The following DOCK3 variants were observed in gnomAD, a reference collection of about 807,000 sequenced individuals.
DOCK3 encodes the protein dedicator of cytokinesis protein 3.
DOCK3 carries 60 observed loss-of-function variants against 265.6 expected under a neutral mutation model. That is an observed-to-expected ratio of 0.23 (90% confidence interval 0.18 to 0.28). The LOEUF is 0.28. Among genes scored for constraint, DOCK3 ranks in the 10% least tolerant of loss-of-function variants. The pLI, the probability that DOCK3 is intolerant of heterozygous loss-of-function variation, is 1.00. For synonymous variants in DOCK3, 881 were observed against 938.0 expected, an observed-to-expected ratio of 0.94 and a Z score of 1.11; for missense variants, 1,981 against 2,594.3, an observed-to-expected ratio of 0.76 and a Z score of 5.14.
At chr3:50,699,135 A>G (rs988379309) in intron 1 of DOCK3, among the ~76,000 whole-genome samples, 20 of 152,052 alleles carry the variant, frequency 1.3e-4, no homozygotes, top group African/African-American at 4.6e-4. Flanking sequence ...TTGTATGTGG[A>G]TATTGTTTTT....
At chr3:51,263,185 C>G (rs532757994) in intron 23 of DOCK3, among the ~76,000 whole-genome samples, 2 of 152,224 alleles carry the variant, frequency 1.3e-5, no homozygotes, top group Non-Finnish European at 2.9e-5. Flanking sequence ...GTCAGGTTAC[C>G]CACAAAGAGA....
At chr3:51,362,841 T>C (rs922730938) in intron 49 of DOCK3, among the ~76,000 whole-genome samples, 167 bp downstream of exon 49, 1 of 152,250 alleles carries the variant, frequency 6.6e-6, no homozygotes, top group African/African-American at 2.4e-5. Context: ...TCCAGGCCTC[T>C]TCCCTGGCTG....
chr3:50,942,807 A>G (rs967417305), intron 5 of DOCK3, among the ~76,000 whole-genome samples: 3 of 152,014 alleles, frequency 2.0e-5, no homozygotes, highest in African/African-American at 4.8e-5. Flanking sequence ...TACTTTTTCA[A>G]CTACAAATTT....
intron 5 of DOCK3, among the ~76,000 whole-genome samples, chr3:51,027,715 G>A (rs1367196900): frequency 6.6e-6 from 1 of 151,780 alleles, no homozygotes; most frequent in African/African-American, 2.4e-5. Flanking sequence ...CCTTTTTATT[G>A]TCTTTGGTTT....
chr3:50,888,666 T>C (rs2048471668), intron 3 of DOCK3, among the ~76,000 whole-genome samples: 1 of 152,058 alleles, frequency 6.6e-6, no homozygotes, highest in Non-Finnish European at 1.5e-5. Flanking sequence ...AACAGAGATA[T>C]AGATCAATGG....
intron 12 of DOCK3, among the ~76,000 whole-genome samples, chr3:51,182,578 T>G (rs1292378412): frequency 6.6e-6 from 1 of 152,226 alleles, no homozygotes; most frequent in Non-Finnish European, 1.5e-5. Flanking sequence ...AAATAGGTAC[T>G]TGGAGGAAGT....
intron 5 of DOCK3, among the ~76,000 whole-genome samples, chr3:51,013,570 T>G (rs1362858614): frequency 1.3e-5 from 2 of 152,168 alleles, no homozygotes; most frequent in Non-Finnish European, 2.9e-5. Context: ...TCCGGCTGTA[T>G]GAAGTGTCAG....
intron 1 of DOCK3, among the ~76,000 whole-genome samples, chr3:50,738,455 CAG>C (rs1383705025): frequency 1.3e-5 from 2 of 152,162 alleles, no homozygotes; most frequent in Admixed American, 6.5e-5. Context: ...ACGAGGTCCT[CAG>C]GGGCTGGCAT....
chr3:51,202,940 A>G (rs1377227400), intron 12 of DOCK3, among the ~76,000 whole-genome samples: 1 of 152,218 alleles, frequency 6.6e-6, no homozygotes, highest in African/African-American at 2.4e-5. Context: ...CAATAGATGC[A>G]GAAAAGTCCT....
intron 5 of DOCK3, among the ~76,000 whole-genome samples, chr3:51,054,630 T>G (rs1460603731): frequency 6.6e-6 from 1 of 152,216 alleles, no homozygotes; most frequent in East Asian, 1.9e-4. Flanking sequence ...TGCACTAATT[T>G]TCTTACATTT....
intron 1 of DOCK3, among the ~76,000 whole-genome samples, chr3:50,731,750 G>A (rs2108127440): frequency 6.6e-6 from 1 of 152,206 alleles, no homozygotes; most frequent in African/African-American, 2.4e-5. Flanking sequence ...AGAACCCACA[G>A]CTAACATCAT....
chr3:50,883,692 T>G (rs1313116599), intron 3 of DOCK3, among the ~76,000 whole-genome samples: 2 of 152,166 alleles, frequency 1.3e-5, no homozygotes, highest in African/African-American at 4.8e-5. Flanking sequence ...ATATTTTCAT[T>G]GAAAATTATA....
intron 5 of DOCK3, among the ~76,000 whole-genome samples, chr3:51,039,076 A>G (rs1397131813): frequency 3.3e-5 from 5 of 151,862 alleles, no homozygotes; most frequent in African/African-American, 4.8e-5. Context: ...GCTCACTGCA[A>G]CCTCTGCCTC....
chr3:51,278,633 T>C, intron 26 of DOCK3: 1 of 800,636 alleles, frequency 1.2e-6, no homozygotes, highest in South Asian at 5.7e-5. Context: ...TATATATATA[T>C]GTACCCTGGC....
chr3:51,228,865 C>A, intron 18 of DOCK3, 33 bp downstream of exon 18: 4 of 1,606,548 alleles, frequency 2.5e-6, no homozygotes, highest in Non-Finnish European at 3.4e-6. Context: ...TGGTGCCCTC[C>A]ACCCTCCTCC....
intron 3 of DOCK3, among the ~76,000 whole-genome samples, chr3:50,863,603 G>C (rs964757165): frequency 6.6e-6 from 1 of 152,036 alleles, no homozygotes; most frequent in Admixed American, 6.5e-5. Context: ...ACAAGTCCTG[G>C]CTACTTTTTC....
At position 50,778,755 on chromosome 3, in the gene DOCK3, G is replaced by T; in HGVS notation, c.118G>T (p.Glu40Ter). The change falls in exon 2 of 53, where the codon GAA becomes TAA. Residue 40 changes from glutamate (E) to a stop codon, truncating the protein, a stop_gained. Coordinates refer to ENST00000266037, the MANE Select transcript of DOCK3 (RefSeq NM_004947.5). LOFTEE classifies it high-confidence loss of function. Reference protein sequence around the residue: ...GETVQILEKCEGWYRGVSTKK... With the variant: ...GETVQILEKC ...AACAGTCCAGATTCTTGAAAAATGT[G>T]AAGGTGAGTATGGACCTACAAAGCA... 1 of 1,573,676 alleles carries T rather than the reference G, an allele frequency of 6.4e-7. No homozygotes were observed. Among genetic ancestry groups the T allele is most frequent in the Non-Finnish European group, 8.6e-7 (1 of 1,157,558 alleles).
intron 4 of DOCK3, among the ~76,000 whole-genome samples, chr3:50,916,933 C>A (rs1332369558): frequency 6.6e-6 from 1 of 151,328 alleles, no homozygotes; most frequent in Admixed American, 6.6e-5. Flanking sequence ...TCTAATTGTA[C>A]ATCTTGCTTG....
chr3:51,122,261 C>G lies in DOCK3; in HGVS notation c.747-24288C>G, dbSNP rs147200726. The stretch of plus-strand genomic sequence containing the variant: ...TTGGAAGGTCAAGGCAGGAGGATTG[C>G]TTGAGGCCGGGAGTTTAAGACCAGC... On this transcript the variant is annotated intron_variant, in intron 9 of 52. Coordinates refer to ENST00000266037, the MANE Select transcript of DOCK3 (RefSeq NM_004947.5). Among the ~76,000 whole-genome samples, 646 of 152,228 alleles carry G rather than the reference C, an allele frequency of 4.2e-3. 8 individuals carry two copies. The highest frequency in any genetic ancestry group is 0.013 in the African/African-American group (547 of 41,520).
Sources: gnomAD v4.1 joint callset for allele counts (sites outside exome capture counted in the v4.1 genomes callset) on GRCh38, gnomAD v4.1.1 for gene constraint, MANE v1.5 for transcripts, NCBI Gene and HGNC (gene_info 2026-07-23, HGNC 2026-07-21) for gene names.